The following FAM186A variants were observed in gnomAD, a reference collection of about 807,000 sequenced individuals.
FAM186A encodes family with sequence similarity 186 member A.
In FAM186A, 163 loss-of-function variants were observed where a neutral mutation model predicts 216.8. That is an observed-to-expected ratio of 0.75 (90% confidence interval 0.66 to 0.86). FAM186A has a LOEUF of 0.86. Among genes scored for constraint, FAM186A ranks in the 40% least tolerant of loss-of-function variants. FAM186A has a pLI of 0.00. For synonymous variants in FAM186A, 805 were observed against 1,025.3 expected (o/e 0.79, Z 4.10); for missense variants, 2,184 against 2,746.2 (o/e 0.80, Z 4.58).
At chr12:50,386,040 G>T (rs1367749397) in intron 1 of FAM186A, among the ~76,000 whole-genome samples, 1 of 152,118 alleles carries the variant, frequency 6.6e-6, no homozygotes, top group Non-Finnish European at 1.5e-5. Context: ...AAGTTCAAGA[G>T]ATTTATTATA....
intron 5 of FAM186A, among the ~76,000 whole-genome samples, chr12:50,332,826 A>G (rs1942668913): frequency 6.6e-6 from 1 of 152,032 alleles, no homozygotes; most frequent in Non-Finnish European, 1.5e-5. Context: ...TCAGGAGTCC[A>G]AGACCAGCCT....
At chr12:50,381,194 TTC>T in intron 1 of FAM186A, among the ~76,000 whole-genome samples, 1 of 152,290 alleles carries the variant, frequency 6.6e-6, no homozygotes, top group African/African-American at 2.4e-5. Flanking sequence ...TCTTCTTTCC[TTC>T]TCTCTACTCT....
chr12:50,381,287 C>T (rs1005911741), intron 1 of FAM186A, among the ~76,000 whole-genome samples: 2 of 152,180 alleles, frequency 1.3e-5, no homozygotes, highest in African/African-American at 2.4e-5. Context: ...TCCCACCATT[C>T]GGCAGGTCCC....
At chr12:50,388,200 C>A (rs1397252302) in intron 1 of FAM186A, among the ~76,000 whole-genome samples, 1 of 152,160 alleles carries the variant, frequency 6.6e-6, no homozygotes, top group Non-Finnish European at 1.5e-5. Context: ...TTTCTAATGA[C>A]CAGTCCCATC....
At chr12:50,340,950 T>A (rs895396251) in intron 4 of FAM186A, among the ~76,000 whole-genome samples, 5 of 151,982 alleles carry the variant, frequency 3.3e-5, no homozygotes, top group Non-Finnish European at 5.9e-5. Context: ...GTGCACGCCA[T>A]CATGCCCAGC....
At chr12:50,390,728 T>C (rs1193607145) in intron 1 of FAM186A, among the ~76,000 whole-genome samples, 1 of 152,148 alleles carries the variant, frequency 6.6e-6, no homozygotes, top group Admixed American at 6.6e-5. Flanking sequence ...ATCACAGAGC[T>C]CTTCAAGGAT....
At chr12:50,389,025 A>G (rs576955487) in intron 1 of FAM186A, among the ~76,000 whole-genome samples, 1 of 152,108 alleles carries the variant, frequency 6.6e-6, no homozygotes, top group South Asian at 2.1e-4. Context: ...ACTACACTCC[A>G]GCCTGGGCAA....
At chr12:50,372,984 A>G (rs1320120302) in intron 1 of FAM186A, among the ~76,000 whole-genome samples, 2 of 17,986 alleles carry the variant, frequency 1.1e-4, no homozygotes, top group East Asian at 2.2e-3. Context: ...CGGAGGGAGG[A>G]AGGAAGGAAG....
intron 1 of FAM186A, among the ~76,000 whole-genome samples, chr12:50,393,031 A>T (rs1943375754): frequency 6.7e-6 from 1 of 149,030 alleles, no homozygotes; most frequent in Non-Finnish European, 1.5e-5. Flanking sequence ...GGTTCACGCC[A>T]TTCTCCTGCC....
At chr12:50,383,733 A>T (rs912956830) in intron 1 of FAM186A, among the ~76,000 whole-genome samples, 1 of 152,116 alleles carries the variant, frequency 6.6e-6, no homozygotes, top group African/African-American at 2.4e-5. Flanking sequence ...TCTAATTGCC[A>T]TGTACAGTAT....
Position 50,354,352 on chromosome 12 carries a change from A to T in FAM186A, c.2480T>A (p.Leu827Ter), listed in dbSNP as rs1359516479. Residue 827 changes from leucine to a stop codon, truncating the protein, a stop_gained, in exon 4 of 8, where the codon TTG becomes TAG. Coordinates refer to ENST00000327337, the MANE Select transcript of FAM186A (RefSeq NM_001145475.3). LOFTEE classifies it high-confidence loss of function. ...EKEKQRQEQYLQEGQEQMSGM... is the reference protein window; with the variant it reads ...EKEKQRQEQY Reference sequence around the variant, plus strand: ...AGACATTTGTTCTTGACCCTCTTGCAAATATTGCTCCTGCCTTTGTTTTTC... The same window carrying T: ...AGACATTTGTTCTTGACCCTCTTGCTAATATTGCTCCTGCCTTTGTTTTTC... The T allele has an allele frequency of 6.4e-7, 1 of 1,551,598 alleles. No individual in the cohort carries two copies. Among genetic ancestry groups the T allele is most frequent in the Non-Finnish European group, 8.7e-7 (1 of 1,146,974 alleles).
intron 4 of FAM186A, among the ~76,000 whole-genome samples, chr12:50,346,736 A>G (rs1942822584): frequency 6.6e-6 from 1 of 151,894 alleles, no homozygotes; most frequent in Non-Finnish European, 1.5e-5. Context: ...AGTCCCAGCT[A>G]CTCGGGAGGC....
In FAM186A at chr12:50,381,539, G is replaced by A. The variant is rs150792887; in HGVS notation, c.192+14754C>T. Among the ~76,000 whole-genome samples, 859 of 151,164 alleles carry A rather than the reference G, an allele frequency of 5.7e-3. 6 individuals carry two copies. Among genetic ancestry groups the A allele is most frequent in the African/African-American group, 0.02 (838 of 41,200 alleles). On this transcript the variant is annotated intron_variant, in intron 1 of 7. Transcript: ENST00000327337. ...AGCCTGGACAACAGAGCAAGATTCT[G>A]TCTCAAAAAAAAATTGATTAATTAA... is the stretch of plus-strand genomic sequence containing the variant.
intron 4 of FAM186A, among the ~76,000 whole-genome samples, chr12:50,337,289 CTTTTTTTTTTTTTT>C (rs71441358): frequency 1.4e-5 from 1 of 69,668 alleles, no homozygotes; most frequent in Non-Finnish European, 2.7e-5. Context: ...AGAGATAATT[CTTTTTTTTTTTTTT>C]TTTTTTTTTT....
At chr12:50,339,898 C>T (rs1482791470) in intron 4 of FAM186A, among the ~76,000 whole-genome samples, 2 of 151,940 alleles carry the variant, frequency 1.3e-5, no homozygotes, top group East Asian at 1.9e-4. Context: ...AGTGCAGTGG[C>T]GCAATCTCGG....
In FAM186A at chr12:50,355,848, T is replaced by C. The variant is rs1355569362; in HGVS notation, c.984A>G (p.Glu328=). The change falls in exon 4 of 8, where the codon GAA becomes GAG. Residue 328 remains glutamate, a synonymous_variant. Coordinates refer to ENST00000327337, the MANE Select transcript of FAM186A (RefSeq NM_001145475.3). ...QKLQDAEEKC[E]QLIRSKIVIE... is the part of the protein sequence containing the mutation. The stretch of plus-strand genomic sequence containing the variant: ...TAACAATTTTGGATCGAATAAGTTG[T>C]TCACATTTTTCTTCTGCATCTTGAA... 12 of 1,551,306 alleles carry C rather than the reference T, an allele frequency of 7.7e-6. No homozygotes were observed. Among genetic ancestry groups the C allele is most frequent in the Non-Finnish European group, 1.0e-5 (12 of 1,146,958 alleles).
chr12:50,338,093 A>T (rs1942728267), intron 4 of FAM186A, among the ~76,000 whole-genome samples: 1 of 152,156 alleles, frequency 6.6e-6, no homozygotes, highest in South Asian at 2.1e-4. Context: ...TGATTTTTAG[A>T]TAGAGATTCT....
At chr12:50,337,295 T>C (rs1240949816) in intron 4 of FAM186A, among the ~76,000 whole-genome samples, 1 of 141,458 alleles carries the variant, frequency 7.1e-6, no homozygotes, top group Non-Finnish European at 1.5e-5. Context: ...AATTCTTTTT[T>C]TTTTTTTTTT....
intron 1 of FAM186A, among the ~76,000 whole-genome samples, chr12:50,388,078 G>C (rs973177674): frequency 6.6e-6 from 1 of 152,078 alleles, no homozygotes; most frequent in African/African-American, 2.4e-5. Context: ...CATAGTTATG[G>C]TTGATTAAAC....
Sources: gnomAD v4.1 joint callset for allele counts (sites outside exome capture counted in the v4.1 genomes callset) on GRCh38, gnomAD v4.1.1 for gene constraint, MANE v1.5 for transcripts, NCBI Gene and HGNC (gene_info 2026-07-23, HGNC 2026-07-21) for gene names.